The following PTPRK variants were observed in gnomAD, a reference collection of about 807,000 sequenced individuals.
The protein encoded by PTPRK is protein tyrosine phosphatase receptor type K.
PTPRK carries 75 observed loss-of-function variants against 178.0 expected under a neutral mutation model. The ratio of observed to expected loss-of-function variants is 0.42; its 90% CI spans 0.35 to 0.51. PTPRK has a LOEUF of 0.51. PTPRK is among the 20% of genes least tolerant of loss of function. PTPRK has a pLI of 0.02. For synonymous variants in PTPRK, 637 were observed against 620.6 expected, an observed-to-expected ratio of 1.03 and a Z score of -0.39; for missense variants, 1,441 against 1,797.8, an observed-to-expected ratio of 0.80 and a Z score of 3.59.
chr6:128,319,541 G>A (rs1216744336), intron 3 of PTPRK, among the ~76,000 whole-genome samples: 1 of 152,086 alleles, frequency 6.6e-6, no homozygotes, highest in African/African-American at 2.4e-5. Context: ...AAAAGAAAAT[G>A]GGGATATTCT....
chr6:128,473,156 T>C (rs1428561583), intron 1 of PTPRK, among the ~76,000 whole-genome samples: 1 of 152,040 alleles, frequency 6.6e-6, no homozygotes, highest in Non-Finnish European at 1.5e-5. Context: ...AAACAGTTCT[T>C]CAGCCTTTTT....
intron 2 of PTPRK, among the ~76,000 whole-genome samples, chr6:128,367,605 C>T (rs762267495): frequency 3.9e-5 from 6 of 152,096 alleles, no homozygotes; most frequent in Admixed American, 1.3e-4. Context: ...GAATCTAAAC[C>T]GTCAAGTATG....
At chr6:128,123,993 C>A (rs2114414166) in intron 7 of PTPRK, among the ~76,000 whole-genome samples, 1 of 151,728 alleles carries the variant, frequency 6.6e-6, no homozygotes, top group South Asian at 2.1e-4. Context: ...CTGAAGTAGT[C>A]TTTTAGAGCC....
chr6:128,021,814 C>A (rs1357221784), intron 13 of PTPRK, among the ~76,000 whole-genome samples: 1 of 152,180 alleles, frequency 6.6e-6, no homozygotes, highest in Non-Finnish European at 1.5e-5. Flanking sequence ...TCTGAAGTGA[C>A]CATTCACCAA....
intron 3 of PTPRK, among the ~76,000 whole-genome samples, chr6:128,243,061 C>T (rs1543376): frequency 0.11 from 17,122 of 152,024 alleles, 1,995 homozygotes; most frequent in East Asian, 0.35. Flanking sequence ...TGTCAACCAA[C>T]AGATTATTGA....
rs71028122 is a variant in PTPRK, at chr6:128,382,410, C to CTT, written c.223+15154_223+15155dup. Among the ~76,000 whole-genome samples, 285 of 131,858 alleles carry CTT rather than the reference C, an allele frequency of 2.2e-3. 2 individuals are homozygous for CTT. The highest frequency in any genetic ancestry group is 0.01 in the South Asian group (41 of 4,086). The allele number at this position is 131,858 out of a possible 152,430, so 86.5% of individuals were successfully genotyped here. A position where few individuals can be genotyped will look rare whatever the true frequency, so the allele number is the denominator to read the frequency against. On this transcript the variant is annotated intron_variant, in intron 2 of 29. Transcript: ENST00000368226. Reference sequence around the variant, plus strand: ...CATAAAGAAAACCTATATGAAAATTCTTTTTTTTTTTTTTTTTAATAGAGT... The same window carrying CTT: ...CATAAAGAAAACCTATATGAAAATTCTTTTTTTTTTTTTTTTTTTAATAGAGT...
chr6:128,039,199 A>G (rs988862357), intron 13 of PTPRK, among the ~76,000 whole-genome samples: 1 of 152,138 alleles, frequency 6.6e-6, no homozygotes, highest in Non-Finnish European at 1.5e-5. Context: ...AATAAACTAA[A>G]TGGTCATCAG....
chr6:128,119,205 A>C (rs1792053504), intron 7 of PTPRK, among the ~76,000 whole-genome samples: 1 of 151,592 alleles, frequency 6.6e-6, no homozygotes, highest in African/African-American at 2.4e-5. Flanking sequence ...TAAAAACATA[A>C]GTTAAAAAAA....
intron 3 of PTPRK, among the ~76,000 whole-genome samples, chr6:128,253,785 A>G (rs1231683675): frequency 6.6e-6 from 1 of 152,242 alleles, no homozygotes; most frequent in Non-Finnish European, 1.5e-5. Flanking sequence ...AGAAAATTAA[A>G]ATCAGTAGTT....
intron 10 of PTPRK, among the ~76,000 whole-genome samples, chr6:128,080,085 G>A (rs144957072): frequency 6.6e-6 from 1 of 151,828 alleles, no homozygotes; most frequent in Non-Finnish European, 1.5e-5. Context: ...GGCTCAGGGT[G>A]TCTAATGATG....
rs1351206872 is a variant in PTPRK, at chr6:128,520,373, A to G, written c.-15T>C. ...GTCGTATCCATGCCGAGTTTGGGAG[A>G]AGTTTCAAGCAGCTTTGCAAAGAGC... On this transcript the variant is annotated 5_prime_UTR_variant, in exon 1 of 30. Transcript: ENST00000368226. 1.3e-6 allele frequency: 2 copies of G among 1,595,632 alleles called. No individual in the cohort carries two copies. The highest frequency in any genetic ancestry group is 2.3e-5 in the South Asian group (2 of 88,340).
intron 1 of PTPRK, among the ~76,000 whole-genome samples, chr6:128,430,571 T>C (rs80251267): frequency 0.014 from 2,178 of 152,272 alleles, 55 homozygotes; most frequent in African/African-American, 0.049. Context: ...GAGGACATGA[T>C]AACTAGTGAA....
At chr6:128,322,569 T>C (rs1434846702) in intron 2 of PTPRK, among the ~76,000 whole-genome samples, 2 of 151,824 alleles carry the variant, frequency 1.3e-5, no homozygotes, top group African/African-American at 4.8e-5. Context: ...ATTTTACAAA[T>C]TAGGAAATTG....
intron 4 of PTPRK, chr6:128,241,438 A>G (rs1562854762): frequency 5.1e-6 from 2 of 395,032 alleles, no homozygotes; most frequent in Admixed American, 3.3e-5. Context: ...GAAGCACACT[A>G]GAGTTTGACA....
chr6:128,030,924 TCCCCA>T (rs1775216640), intron 13 of PTPRK, among the ~76,000 whole-genome samples: 1 of 152,170 alleles, frequency 6.6e-6, no homozygotes, highest in Non-Finnish European at 1.5e-5. Context: ...TTCATTTTTT[TCCCCA>T]GCAAATATTT....
chr6:128,158,693 C>T (rs1334982212), intron 7 of PTPRK, among the ~76,000 whole-genome samples: 1 of 151,730 alleles, frequency 6.6e-6, no homozygotes, highest in Admixed American at 6.6e-5. Flanking sequence ...ATATAAAAAC[C>T]ACAGGAAGCA....
chr6:128,348,971 C>G (rs887210191), intron 2 of PTPRK, among the ~76,000 whole-genome samples: 2 of 152,162 alleles, frequency 1.3e-5, no homozygotes, highest in South Asian at 2.1e-4. Flanking sequence ...TTAGTAATTG[C>G]TAAGGGCTTT....
At chr6:128,479,447 T>C (rs1210232404) in intron 1 of PTPRK, among the ~76,000 whole-genome samples, 1 of 152,160 alleles carries the variant, frequency 6.6e-6, no homozygotes, top group African/African-American at 2.4e-5. Context: ...CAAATTTCAC[T>C]GTAACAAAAT....
intron 12 of PTPRK, among the ~76,000 whole-genome samples, chr6:128,065,621 T>A (rs1781613518): frequency 6.6e-6 from 1 of 152,174 alleles, no homozygotes; most frequent in Admixed American, 6.6e-5. Context: ...CTATCTTGAG[T>A]AGTTCTATAT....
Sources: allele counts gnomAD v4.1 joint callset (sites outside exome capture counted in the v4.1 genomes callset), GRCh38; gene constraint gnomAD v4.1.1; transcripts MANE v1.5; gene names NCBI Gene and HGNC (gene_info 2026-07-23, HGNC 2026-07-21).